SLC4A8: variants seen among roughly 807,000 people sequenced by gnomAD.
The protein encoded by SLC4A8 is electroneutral sodium bicarbonate exchanger 1.
SLC4A8 carries 40 observed loss-of-function variants against 125.0 expected under a neutral mutation model. The observed-to-expected ratio is 0.32, with a 90% CI of 0.25 to 0.42. The LOEUF is 0.42. SLC4A8 is among the 10% of genes least tolerant of loss of function. SLC4A8 has a pLI of 1.00. For missense variants in SLC4A8, 863 were observed against 1,355.1 expected, an observed-to-expected ratio of 0.64 and a Z score of 5.70; for synonymous variants, 456 against 476.0, an observed-to-expected ratio of 0.96 and a Z score of 0.55.
intron 16 of SLC4A8, among the ~76,000 whole-genome samples, chr12:51,479,518 C>A (rs1482693541): frequency 6.6e-6 from 1 of 151,818 alleles, no homozygotes; most frequent in Non-Finnish European, 1.5e-5. Flanking sequence ...GAAACCCCAT[C>A]TCTACTAAAA....
chr12:51,399,102 AG>A (rs1404251578), intron 1 of SLC4A8, among the ~76,000 whole-genome samples: 1 of 152,226 alleles, frequency 6.6e-6, no homozygotes. Context: ...TTAGGATTGA[AG>A]TCTATCTGAT....
intron 1 of SLC4A8, among the ~76,000 whole-genome samples, chr12:51,392,598 AAG>A (rs1282488159): frequency 2.2e-4 from 33 of 151,700 alleles, no homozygotes; most frequent in Admixed American, 3.9e-4. Context: ...AAAAAAAGAA[AAG>A]AAAAGAAAAG....
chr12:51,419,011 G>T (rs1948737077), intron 1 of SLC4A8, among the ~76,000 whole-genome samples: 1 of 152,158 alleles, frequency 6.6e-6, no homozygotes. Flanking sequence ...TGGTGGGGGA[G>T]GGGTTAATGT....
chr12:51,441,005 C>A, intron 2 of SLC4A8: 1 of 1,099,488 alleles, frequency 9.1e-7, no homozygotes, highest in Non-Finnish European at 1.2e-6. Context: ...TAATTGCCTA[C>A]ATGGGAGATA....
At chr12:51,494,232 G>A (rs548666694) in intron 20 of SLC4A8, 1 of 157,164 alleles carries the variant, frequency 6.4e-6, no homozygotes, top group East Asian at 1.9e-4. Context: ...GTTGCTCCTG[G>A]TAAGGAGATG....
At chr12:51,460,546 G>A (rs753235041) in intron 8 of SLC4A8, among the ~76,000 whole-genome samples, 23 of 152,328 alleles carry the variant, frequency 1.5e-4, no homozygotes, top group Non-Finnish European at 2.8e-4. Context: ...AAAGGACATA[G>A]CAAGGGCCAA....
chr12:51,451,152 C>A, intron 3 of SLC4A8, 130 bp downstream of exon 3: 1 of 892,622 alleles, frequency 1.1e-6, no homozygotes, highest in Non-Finnish European at 1.6e-6. Flanking sequence ...AAGCTTGCTT[C>A]TAAGAAGAAA....
At chr12:51,403,681 CCACATGG>C (rs1948437022) in intron 1 of SLC4A8, among the ~76,000 whole-genome samples, 1 of 152,168 alleles carries the variant, frequency 6.6e-6, no homozygotes, top group Non-Finnish European at 1.5e-5. Context: ...TATACCCCAG[CCACATGG>C]CACCCAGAAG....
chr12:51,459,036 A>G (rs541573695), intron 7 of SLC4A8, among the ~76,000 whole-genome samples: 1 of 152,312 alleles, frequency 6.6e-6, no homozygotes, highest in East Asian at 1.9e-4. Flanking sequence ...TCCTAAAACT[A>G]ACTCTTGGTT....
At chr12:51,444,356 A>G (rs1949701534) in intron 2 of SLC4A8, among the ~76,000 whole-genome samples, 1 of 152,176 alleles carries the variant, frequency 6.6e-6, no homozygotes, top group African/African-American at 2.4e-5. Flanking sequence ...ATTTTCTGAC[A>G]GCCGCTTGGT....
At chr12:51,464,303 G>C (rs1286554234) in intron 11 of SLC4A8, among the ~76,000 whole-genome samples, 1 of 152,192 alleles carries the variant, frequency 6.6e-6, no homozygotes, top group African/African-American at 2.4e-5. Context: ...TTAGAATAAT[G>C]TCTGTTCTGT....
At chr12:51,505,666 C>A (rs1477966013) in intron 23 of SLC4A8, among the ~76,000 whole-genome samples, 169 bp from the exon 24 acceptor site, 1 of 152,230 alleles carries the variant, frequency 6.6e-6, no homozygotes, top group Non-Finnish European at 1.5e-5. Flanking sequence ...ACCTCAGTGG[C>A]TGCAGGAGAA....
At chr12:51,464,022 C>T (rs547402768) in intron 11 of SLC4A8, among the ~76,000 whole-genome samples, 5 of 152,278 alleles carry the variant, frequency 3.3e-5, no homozygotes, top group African/African-American at 7.2e-5. Flanking sequence ...CCCTTAGTCT[C>T]GGTTCTTGTG....
rs1479743564 is a variant in SLC4A8, at chr12:51,513,235, A to G, written c.*5797A>G. On this transcript the variant is annotated 3_prime_UTR_variant, in exon 25 of 25. Transcript: ENST00000453097. ...GAAATTGCCAAATATGTTTGGTTGC[A>G]GAAAACACAGCCTGGCTCTTTGTGG... 6.6e-6 allele frequency: 1 copy of G among 152,246 alleles called. No homozygotes were observed. The highest frequency in any genetic ancestry group is 1.5e-5 in the Non-Finnish European group (1 of 68,046). 9.4% of individuals were successfully genotyped at this position (152,246 alleles called of 1,614,324 possible).
chr12:51,399,996 A>C (rs950672643), intron 1 of SLC4A8, among the ~76,000 whole-genome samples: 2 of 138,114 alleles, frequency 1.4e-5, no homozygotes, highest in African/African-American at 2.6e-5. Context: ...AAAAAAAAAA[A>C]AAAACCATGT....
chr12:51,424,049 A>AC (rs1948866867), upstream of SLC4A8, among the ~76,000 whole-genome samples: 2 of 51,946 alleles, frequency 3.9e-5, no homozygotes, highest in East Asian at 1.1e-3. Context: ...AAAAAAAAAA[A>AC]AAAACAAAAA....
At chr12:51,402,446 G>A (rs139950002) in intron 1 of SLC4A8, among the ~76,000 whole-genome samples, 248 of 152,292 alleles carry the variant, frequency 1.6e-3, no homozygotes, top group African/African-American at 5.5e-3. Context: ...GTGAGGCCTG[G>A]CACAGTAGCT....
chr12:51,483,232 C>T (rs2138371707), intron 16 of SLC4A8, among the ~76,000 whole-genome samples: 1 of 152,002 alleles, frequency 6.6e-6, no homozygotes, highest in South Asian at 2.1e-4. Context: ...TTTCGTTTTG[C>T]ACTAGTCACA....
chr12:51,445,257 A>G (rs1949737677), intron 2 of SLC4A8, among the ~76,000 whole-genome samples: 1 of 151,976 alleles, frequency 6.6e-6, no homozygotes, highest in Admixed American at 6.6e-5. Flanking sequence ...CACAGCCTCC[A>G]CCTCCTGGGC....
Sources: allele counts gnomAD v4.1 joint callset (sites outside exome capture counted in the v4.1 genomes callset), GRCh38; gene constraint gnomAD v4.1.1; transcripts MANE v1.5; gene names NCBI Gene and HGNC (gene_info 2026-07-23, HGNC 2026-07-21).